The following MCOLN2 variants were observed in gnomAD, a reference collection of about 807,000 sequenced individuals.
MCOLN2 encodes the protein mucolipin TRP cation channel 2, also known as mucolipin-2.
In MCOLN2, 57 loss-of-function variants were observed where a neutral mutation model predicts 67.5. That is an observed-to-expected ratio of 0.84 (90% CI 0.68 to 1.05). The LOEUF is 1.05. MCOLN2 is among the 50% of genes least tolerant of loss of function. MCOLN2 has a pLI of 0.00. For missense variants in MCOLN2, 620 were observed against 678.8 expected, an observed-to-expected ratio of 0.91 and a Z score of 0.96; for synonymous variants, 246 against 233.3, an observed-to-expected ratio of 1.05 and a Z score of -0.50.
intron 12 of MCOLN2, among the ~76,000 whole-genome samples, chr1:84,930,071 TG>T (rs1661337461): frequency 6.6e-6 from 1 of 152,144 alleles, no homozygotes; most frequent in East Asian, 1.9e-4. Flanking sequence ...GAGACTGGCC[TG>T]GGCAAGATGG....
In MCOLN2 at chr1:84,965,557, T is replaced by C. The variant is rs1415103722; in HGVS notation, c.229A>G (p.Thr77Ala). 1.2e-6 allele frequency: 2 copies of C among 1,613,482 alleles called. No individual in the cohort carries two copies. Among genetic ancestry groups the C allele is most frequent in the Non-Finnish European group, 1.7e-6 (2 of 1,179,860 alleles). The change falls in exon 2 of 14, where the codon ACC (threonine) becomes GCC (alanine). Residue 77 changes from threonine to alanine, a missense_variant. Coordinates refer to ENST00000370608, the MANE Select transcript of MCOLN2 (RefSeq NM_153259.4). ...GLQILKIVMV[T>A]TQLVRFGLSN... Reference sequence around the variant, plus strand: ...ATAATAAGATAGGTTACCTGTGTGGTGACCATGACTATCTTCAAAATCTGC... The same window carrying C: ...ATAATAAGATAGGTTACCTGTGTGGCGACCATGACTATCTTCAAAATCTGC...
intron 11 of MCOLN2, among the ~76,000 whole-genome samples, chr1:84,934,898 A>T (rs1001931498): frequency 6.6e-6 from 1 of 152,198 alleles, no homozygotes; most frequent in African/African-American, 2.4e-5. Context: ...CTGAAATCAG[A>T]TGCCTAACAG....
intron 9 of MCOLN2, 100 bp downstream of exon 9, chr1:84,939,453 A>C: frequency 8.5e-7 from 1 of 1,182,560 alleles, no homozygotes; most frequent in Non-Finnish European, 1.2e-6. Context: ...AAGGGAAGAC[A>C]CGAGAATCAA....
intron 1 of MCOLN2, among the ~76,000 whole-genome samples, chr1:84,972,408 T>C (rs1248362008): frequency 2.0e-5 from 3 of 151,626 alleles, no homozygotes; most frequent in Non-Finnish European, 4.4e-5. Flanking sequence ...AAGAACAAAA[T>C]ATCAAAGAAA....
intron 3 of MCOLN2, among the ~76,000 whole-genome samples, chr1:84,957,884 G>C (rs1441902043): frequency 6.6e-6 from 1 of 152,132 alleles, no homozygotes; most frequent in South Asian, 2.1e-4. Flanking sequence ...CTACATATTA[G>C]ATACTTCAAT....
At chr1:84,984,636 C>T (rs985086288) in intron 1 of MCOLN2, among the ~76,000 whole-genome samples, 6 of 152,162 alleles carry the variant, frequency 3.9e-5, no homozygotes, top group African/African-American at 1.4e-4. Context: ...TAGTTGCCTG[C>T]GCAGTATCCA....
At chr1:84,957,146 AAAAG>A (rs980850552) in intron 3 of MCOLN2, among the ~76,000 whole-genome samples, 3 of 152,160 alleles carry the variant, frequency 2.0e-5, no homozygotes, top group South Asian at 2.1e-4. Context: ...AATGCAGTAA[AAAAG>A]AAAGAAAGAA....
chr1:84,990,382 A>G (rs1650832710), intron 1 of MCOLN2, among the ~76,000 whole-genome samples: 1 of 151,430 alleles, frequency 6.6e-6, no homozygotes. Context: ...TGGCACATGT[A>G]TACATATGTA....
chr1:84,937,717 G>C (rs147348679), intron 11 of MCOLN2, 38 bp downstream of exon 11: 4 of 1,611,894 alleles, frequency 2.5e-6, no homozygotes, highest in Non-Finnish European at 3.4e-6. Context: ...AGGGTCCCAC[G>C]TGCCCCATCT....
intron 11 of MCOLN2, among the ~76,000 whole-genome samples, chr1:84,935,726 C>T (rs1190072207): frequency 6.6e-6 from 1 of 152,000 alleles, no homozygotes; most frequent in Non-Finnish European, 1.5e-5. Flanking sequence ...CAATTGTAGC[C>T]CAAACTGTAT....
At chr1:84,945,161 G>A (rs1648024678) in intron 7 of MCOLN2, among the ~76,000 whole-genome samples, 1 of 152,156 alleles carries the variant, frequency 6.6e-6, no homozygotes, top group Admixed American at 6.5e-5. Flanking sequence ...CTGAGCACAA[G>A]CAAGGAAAAC....
At chr1:84,955,405 G>T (rs1337011041) in intron 4 of MCOLN2, among the ~76,000 whole-genome samples, 1 of 152,084 alleles carries the variant, frequency 6.6e-6, no homozygotes, top group East Asian at 1.9e-4. Flanking sequence ...AAAGGAAAAA[G>T]AACCAGCTAT....
intron 1 of MCOLN2, among the ~76,000 whole-genome samples, chr1:84,977,140 CTTGT>C (rs1292113008): frequency 3.3e-5 from 5 of 149,856 alleles, no homozygotes; most frequent in Non-Finnish European, 5.9e-5. Flanking sequence ...ATTTTTTTTG[CTTGT>C]TTGTTTATGC....
In MCOLN2 at chr1:84,966,840, T is replaced by C. The variant is rs113051483; in HGVS notation, c.78-1132A>G. On this transcript the variant is annotated intron_variant, in intron 1 of 13. Coordinates refer to ENST00000370608, the MANE Select transcript of MCOLN2 (RefSeq NM_153259.4). The stretch of plus-strand genomic sequence containing the variant: ...AAAGTGGAGTGCCGAAAACAATCCA[T>C]TGGGAGTATAAAAAATATTAGTATT... Among the ~76,000 whole-genome samples the C allele has an allele frequency of 1.3e-3, 196 of 152,208 alleles. 1 individual carries two copies. Among genetic ancestry groups the C allele is most frequent in the African/African-American group, 3.0e-3 (124 of 41,548 alleles).
chr1:84,959,935 T>G (rs1648989985), intron 2 of MCOLN2, among the ~76,000 whole-genome samples: 1 of 152,164 alleles, frequency 6.6e-6, no homozygotes, highest in Admixed American at 6.6e-5. Flanking sequence ...TGAGGTGGCC[T>G]GTGGCTGTAG....
chr1:84,942,271 T>C, intron 7 of MCOLN2, among the ~76,000 whole-genome samples: 1 of 152,180 alleles, frequency 6.6e-6, no homozygotes, highest in East Asian at 1.9e-4. Context: ...CACTGACCTT[T>C]CATTACATCT....
chr1:84,969,233 A>G (rs571544270), intron 1 of MCOLN2, among the ~76,000 whole-genome samples: 1 of 152,140 alleles, frequency 6.6e-6, no homozygotes, highest in Non-Finnish European at 1.5e-5. Flanking sequence ...TTCAAACCCA[A>G]AGAGGGAGTC....
At chr1:84,931,809 TGA>T (rs1057381120) in intron 11 of MCOLN2, among the ~76,000 whole-genome samples, 17 of 152,066 alleles carry the variant, frequency 1.1e-4, no homozygotes, top group African/African-American at 3.6e-4. Flanking sequence ...GAGGATCACT[TGA>T]GCCCAGGAGT....
At chr1:84,947,421 G>A (rs1272239345) in intron 6 of MCOLN2, among the ~76,000 whole-genome samples, 6 of 152,108 alleles carry the variant, frequency 3.9e-5, no homozygotes, top group African/African-American at 9.7e-5. Flanking sequence ...AAATCCTGTG[G>A]AGCATGAAAG....
Sources: gnomAD v4.1 joint callset for allele counts (sites outside exome capture counted in the v4.1 genomes callset) on GRCh38, gnomAD v4.1.1 for gene constraint, MANE v1.5 for transcripts, NCBI Gene and HGNC (gene_info 2026-07-23, HGNC 2026-07-21) for gene names.